FSTL5: variants seen among roughly 807,000 people sequenced by gnomAD.
FSTL5 encodes follistatin like 5, also known as follistatin-related protein 5.
In FSTL5, 62 loss-of-function variants were observed where a neutral mutation model predicts 89.1. That is an observed-to-expected ratio of 0.70 (90% CI 0.57 to 0.86). The LOEUF is 0.86. Among genes scored for constraint, FSTL5 ranks in the 40% least tolerant of loss-of-function variants. The probability of loss-of-function intolerance (pLI) is 0.00; values close to 1 mark genes in which losing one functional copy is unlikely to be tolerated. For missense variants in FSTL5, 1,057 were observed against 1,001.6 expected, an observed-to-expected ratio of 1.06 and a Z score of -0.75; for synonymous variants, 383 against 346.2, an observed-to-expected ratio of 1.11 and a Z score of -1.18.
intron 7 of FSTL5, among the ~76,000 whole-genome samples, chr4:161,608,508 GT>G (rs1734530503): frequency 6.6e-6 from 1 of 151,798 alleles, no homozygotes; most frequent in Admixed American, 6.6e-5. Context: ...AATCTTCTTT[GT>G]TAAGAAAAAT....
At chr4:161,691,349 G>T (rs968498966) in intron 6 of FSTL5, among the ~76,000 whole-genome samples, 7 of 151,964 alleles carry the variant, frequency 4.6e-5, no homozygotes, top group Admixed American at 4.6e-4. Flanking sequence ...ATTGGCCATA[G>T]ATATTTCAGT....
Position 161,889,860 on chromosome 4 carries a change from G to A in FSTL5, c.409+30544C>T, listed in dbSNP as rs752788364. On this transcript the variant is annotated intron_variant, in intron 4 of 15. Coordinates refer to ENST00000306100, the MANE Select transcript of FSTL5 (RefSeq NM_020116.5). ...AATTTTTCTCTAATAAACATTCTAT[G>A]TTTTATACTGCTTTTCTCCTAAAAC... Among the ~76,000 whole-genome samples the A allele has an allele frequency of 3.9e-5, 6 of 152,034 alleles. No individual in the cohort carries two copies. In the East Asian group the frequency reaches 1.2e-3, roughly 29 times the overall value.
intron 8 of FSTL5, among the ~76,000 whole-genome samples, chr4:161,571,550 G>A (rs1285651743): frequency 1.3e-5 from 2 of 152,104 alleles, no homozygotes; most frequent in African/African-American, 2.4e-5. Flanking sequence ...GAAAAATAGA[G>A]CATTAGAAGG....
intron 1 of FSTL5, among the ~76,000 whole-genome samples, chr4:162,143,723 C>T (rs1357330605): frequency 3.9e-5 from 1 of 25,704 alleles, no homozygotes; most frequent in East Asian, 7.2e-4. Context: ...ACTTTACACA[C>T]ACACACACAC....
intron 12 of FSTL5, among the ~76,000 whole-genome samples, chr4:161,497,673 T>C (rs915436914): frequency 2.6e-5 from 4 of 152,014 alleles, no homozygotes; most frequent in Non-Finnish European, 4.4e-5. Flanking sequence ...TATGTTGAAG[T>C]ATATGTTTCT....
chr4:161,417,464 T>C (rs954222442), intron 15 of FSTL5, among the ~76,000 whole-genome samples: 4 of 152,254 alleles, frequency 2.6e-5, no homozygotes, highest in Non-Finnish European at 4.4e-5. Flanking sequence ...TAACATGCTT[T>C]ATTCTTTCCT....
At chr4:161,669,148 A>G (rs1737005034) in intron 6 of FSTL5, among the ~76,000 whole-genome samples, 1 of 150,556 alleles carries the variant, frequency 6.6e-6, no homozygotes, top group Non-Finnish European at 1.5e-5. Context: ...TAAAAGAAAA[A>G]GAAAAATAAA....
intron 4 of FSTL5, among the ~76,000 whole-genome samples, chr4:161,801,269 C>T (rs1414745382): frequency 6.6e-6 from 1 of 151,430 alleles, no homozygotes; most frequent in Non-Finnish European, 1.5e-5. Context: ...TATATTATTT[C>T]TTCTCTTTAA....
At chr4:161,395,922 C>T (rs1730980138) in intron 15 of FSTL5, among the ~76,000 whole-genome samples, 1 of 152,086 alleles carries the variant, frequency 6.6e-6, no homozygotes, top group South Asian at 2.1e-4. Flanking sequence ...ATAACAATGG[C>T]CTCCAATTAA....
intron 15 of FSTL5, among the ~76,000 whole-genome samples, chr4:161,426,679 C>A (rs145385963): frequency 6.6e-6 from 1 of 152,158 alleles, no homozygotes; most frequent in Non-Finnish European, 1.5e-5. Flanking sequence ...GCAACCTCTG[C>A]CTCTCGGGTT....
intron 4 of FSTL5, among the ~76,000 whole-genome samples, chr4:161,830,569 T>C (rs1730812913): frequency 6.6e-6 from 1 of 152,030 alleles, no homozygotes; most frequent in South Asian, 2.1e-4. Flanking sequence ...ATACTTAGCA[T>C]CTTGAGACTT....
At chr4:161,488,388 C>T (rs1245761371) in intron 12 of FSTL5, among the ~76,000 whole-genome samples, 1 of 152,070 alleles carries the variant, frequency 6.6e-6, no homozygotes, top group Non-Finnish European at 1.5e-5. Context: ...GGCTACATTA[C>T]AGAAATTTTT....
chr4:161,804,170 AGAGT>A (rs1179792447), intron 4 of FSTL5, among the ~76,000 whole-genome samples: 1 of 152,020 alleles, frequency 6.6e-6, no homozygotes, highest in African/African-American at 2.4e-5. Flanking sequence ...GATTTCAACA[AGAGT>A]AAGCTCTTTG....
intron 6 of FSTL5, among the ~76,000 whole-genome samples, chr4:161,710,586 G>T (rs1738746071): frequency 6.6e-6 from 1 of 152,132 alleles, no homozygotes; most frequent in African/African-American, 2.4e-5. Flanking sequence ...ACTAGGCAGT[G>T]TCAGCCATTC....
chr4:161,606,194 C>T (rs1052068170), intron 7 of FSTL5, among the ~76,000 whole-genome samples: 1 of 151,568 alleles, frequency 6.6e-6, no homozygotes. Flanking sequence ...ATCGGCAGAA[C>T]CTCCAAGCTG....
At chr4:161,427,658 G>A (rs1176438823) in intron 15 of FSTL5, among the ~76,000 whole-genome samples, 2 of 152,100 alleles carry the variant, frequency 1.3e-5, no homozygotes, top group Non-Finnish European at 2.9e-5. Flanking sequence ...TAAACTGCTT[G>A]AAATCAGCTT....
chr4:161,437,572 A>AAAAAAAAAAAAAAAAAAAAAAC (rs2126358203), intron 15 of FSTL5, among the ~76,000 whole-genome samples: 1 of 134,872 alleles, frequency 7.4e-6, no homozygotes, highest in African/African-American at 2.7e-5. Flanking sequence ...TCTCAAAAAA[A>AAAAAAAAAAAAAAAAAAAAAAC]AAAAAAAAAA....
rs573413406 is a variant in FSTL5 at position 161,590,309 on chromosome 4, C to T, written c.895-2734G>A. Among the ~76,000 whole-genome samples, 65 of 152,158 alleles carry T rather than the reference C, an allele frequency of 4.3e-4. 2 individuals are homozygous for T. In the South Asian group the frequency reaches 0.011, roughly 27 times the overall value. On this transcript the variant is annotated intron_variant, in intron 7 of 15. Coordinates refer to ENST00000306100, the MANE Select transcript of FSTL5 (RefSeq NM_020116.5). ...AATCCCAACACTTTGGGGGCCAAGG[C>T]GGGCAGATCACCCGAGGTCAAGAGT...
At chr4:161,881,008 G>A (rs1732610833) in intron 4 of FSTL5, among the ~76,000 whole-genome samples, 1 of 151,868 alleles carries the variant, frequency 6.6e-6, no homozygotes, top group African/African-American at 2.4e-5. Context: ...AAGCGCAATA[G>A]AAGGGTGCGA....
Sources: gnomAD v4.1 joint callset for allele counts (sites outside exome capture counted in the v4.1 genomes callset) on GRCh38, gnomAD v4.1.1 for gene constraint, MANE v1.5 for transcripts, NCBI Gene and HGNC (gene_info 2026-07-23, HGNC 2026-07-21) for gene names.